Variants in ADGRL3 observed in about 807,000 individuals in gnomAD.
ADGRL3 encodes the protein adhesion G protein-coupled receptor L3.
A neutral mutation model predicts 153.5 loss-of-function variants in ADGRL3; 62 were observed. That is an observed-to-expected ratio of 0.40 (90% CI 0.33 to 0.50). ADGRL3 has a LOEUF of 0.50. ADGRL3 is among the 20% of genes least tolerant of loss of function. The pLI, the probability that ADGRL3 is intolerant of heterozygous loss-of-function variation, is 0.47. For synonymous variants in ADGRL3, 710 were observed against 672.5 expected, an observed-to-expected ratio of 1.06 and a Z score of -0.86; for missense variants, 1,641 against 1,859.4, an observed-to-expected ratio of 0.88 and a Z score of 2.16.
chr4:61,990,044 T>G (rs980911281), intron 19 of ADGRL3, among the ~76,000 whole-genome samples: 3 of 151,986 alleles, frequency 2.0e-5, no homozygotes, highest in Non-Finnish European at 2.9e-5. Flanking sequence ...CCTAAGCATT[T>G]ATAAAAAATA....
chr4:61,209,333 T>C (rs976310433), intron 1 of ADGRL3, among the ~76,000 whole-genome samples: 6 of 152,070 alleles, frequency 3.9e-5, no homozygotes, highest in Non-Finnish European at 5.9e-5. Context: ...ATCTGCAAAA[T>C]AGAGATAATA....
At chr4:61,829,928 A>G (rs534672332) in intron 9 of ADGRL3, among the ~76,000 whole-genome samples, 20 of 152,150 alleles carry the variant, frequency 1.3e-4, no homozygotes, top group Non-Finnish European at 2.2e-4. Flanking sequence ...GCACTTTGGG[A>G]GGCCATGGCA....
At chr4:61,732,635 A>G (rs1348895623) in intron 7 of ADGRL3, 119 bp from the exon 8 acceptor site, 1 of 494,316 alleles carries the variant, frequency 2.0e-6, no homozygotes, top group Admixed American at 3.7e-5. Flanking sequence ...GAATGCAGCA[A>G]AATAAGTGAT....
intron 8 of ADGRL3, among the ~76,000 whole-genome samples, chr4:61,760,210 C>CAGAGGTT (rs781543405): frequency 1.3e-5 from 2 of 152,128 alleles, no homozygotes; most frequent in Non-Finnish European, 2.9e-5. Flanking sequence ...TTTTAGTGTG[C>CAGAGGTT]AGAGGTTACT....
At chr4:61,746,418 A>C (rs11131343) in intron 8 of ADGRL3, among the ~76,000 whole-genome samples, 88,109 of 151,868 alleles carry the variant, frequency 0.58, 27,980 homozygotes, top group African/African-American at 0.83. Flanking sequence ...TTTTCAGCAC[A>C]AAACCACACC....
At chr4:61,323,337 TC>T (rs2095402172) in intron 1 of ADGRL3, among the ~76,000 whole-genome samples, 1 of 152,178 alleles carries the variant, frequency 6.6e-6, no homozygotes, top group Non-Finnish European at 1.5e-5. Flanking sequence ...TGATTAACAT[TC>T]GGCTCCTCGT....
At chr4:61,520,266 A>T (rs1046161473) in intron 4 of ADGRL3, among the ~76,000 whole-genome samples, 2 of 152,160 alleles carry the variant, frequency 1.3e-5, no homozygotes, top group African/African-American at 4.8e-5. Context: ...TAGAAGCTAA[A>T]GGCATGTTAA....
chr4:61,492,020 AAAAC>A (rs10667912), intron 2 of ADGRL3, among the ~76,000 whole-genome samples: 19 of 150,686 alleles, frequency 1.3e-4, no homozygotes, highest in East Asian at 5.9e-4. Context: ...AACAATGAAA[AAAAC>A]AAACAAACAA....
intron 8 of ADGRL3, among the ~76,000 whole-genome samples, chr4:61,800,461 C>T (rs1049943429): frequency 2.0e-5 from 3 of 152,034 alleles, no homozygotes; most frequent in Admixed American, 6.6e-5. Flanking sequence ...TGTAGAGGGT[C>T]CATTCTAGTC....
chr4:61,755,220 T>C (rs924094952), intron 8 of ADGRL3, among the ~76,000 whole-genome samples: 1 of 152,102 alleles, frequency 6.6e-6, no homozygotes, highest in African/African-American at 2.4e-5. Flanking sequence ...GTTGAACTAG[T>C]TTACAGTCCC....
rs574468652 is a variant in ADGRL3, at chr4:61,745,607, C to T, written c.1399+12053C>T. Among the ~76,000 whole-genome samples, 13 of 152,212 alleles carry T rather than the reference C, an allele frequency of 8.5e-5. 1 individual carries two copies. In the South Asian group the frequency reaches 2.7e-3, roughly 32 times the overall value. On this transcript the variant is annotated intron_variant, in intron 8 of 26. Transcript: ENST00000683033. ...ACCCAGAATTTCATATCCAGCCAAA[C>T]TAAGCTTCATAAGTGAAGGAGAAAT...
At chr4:61,748,058 C>G (rs1181239847) in intron 8 of ADGRL3, among the ~76,000 whole-genome samples, 3 of 151,412 alleles carry the variant, frequency 2.0e-5, no homozygotes, top group Non-Finnish European at 4.4e-5. Context: ...TTCTTATACA[C>G]CAATAACAGA....
At chr4:62,057,817 A>G (rs1411047012) in intron 25 of ADGRL3, among the ~76,000 whole-genome samples, 2 of 152,020 alleles carry the variant, frequency 1.3e-5, no homozygotes, top group East Asian at 1.9e-4. Context: ...AGCTGGTACT[A>G]CAGGCACACT....
intron 8 of ADGRL3, among the ~76,000 whole-genome samples, chr4:61,784,991 A>C (rs2152403071): frequency 6.6e-6 from 1 of 152,284 alleles, no homozygotes; most frequent in Admixed American, 6.5e-5. Context: ...GAGTGAGTTA[A>C]TATTTGTAAA....
chr4:61,802,523 A>G (rs1216771215), intron 8 of ADGRL3, among the ~76,000 whole-genome samples: 1 of 152,058 alleles, frequency 6.6e-6, no homozygotes, highest in East Asian at 1.9e-4. Flanking sequence ...CATAGAACTC[A>G]TATTCTTGTA....
chr4:61,732,264 C>T (rs1472048921), intron 7 of ADGRL3, among the ~76,000 whole-genome samples: 1 of 151,942 alleles, frequency 6.6e-6, no homozygotes, highest in Non-Finnish European at 1.5e-5. Flanking sequence ...TATTACAGGG[C>T]TTTTCTTTTT....
chr4:61,672,159 T>C (rs965245882), intron 5 of ADGRL3, among the ~76,000 whole-genome samples: 5 of 152,104 alleles, frequency 3.3e-5, no homozygotes, highest in Non-Finnish European at 5.9e-5. Context: ...TTTACCTATG[T>C]TTTCTTCTAA....
chr4:61,263,591 A>G (rs989936947), intron 1 of ADGRL3, among the ~76,000 whole-genome samples: 7 of 152,010 alleles, frequency 4.6e-5, no homozygotes, highest in Non-Finnish European at 7.4e-5. Context: ...TCTGTTTTCC[A>G]TGAGGTACCA....
chr4:61,666,390 C>T (rs763577251), intron 5 of ADGRL3, among the ~76,000 whole-genome samples: 11 of 151,708 alleles, frequency 7.3e-5, no homozygotes, highest in Non-Finnish European at 1.2e-4. Flanking sequence ...GGAAATATCA[C>T]ATATTGAAAG....
Sources: allele counts gnomAD v4.1 joint callset (sites outside exome capture counted in the v4.1 genomes callset), GRCh38; gene constraint gnomAD v4.1.1; transcripts MANE v1.5; gene names NCBI Gene and HGNC (gene_info 2026-07-23, HGNC 2026-07-21).